The following SLC2A14 variants were observed in gnomAD, a reference collection of about 807,000 sequenced individuals.
SLC2A14 encodes the protein solute carrier family 2 member 14.
SLC2A14 carries 13 observed loss-of-function variants against 43.0 expected under a neutral mutation model. The ratio of observed to expected loss-of-function variants is 0.30; its 90% CI spans 0.20 to 0.48. The LOEUF (loss-of-function observed/expected upper bound fraction) is 0.48. Ranked by LOEUF, SLC2A14 falls within the 20% of genes least tolerant of loss-of-function variation. The pLI is 0.99. For synonymous variants in SLC2A14, 190 were observed against 233.8 expected (o/e 0.81, Z 1.71); for missense variants, 428 against 620.4 (o/e 0.69, Z 3.29).
At position 7,814,278 on chromosome 12, in the gene SLC2A14, C is replaced by G; in HGVS notation, c.*38G>C. ...CTCTCCCTTGTTGAGGGAGAGGTGG[C>G]TTTCCCATGCCGGGAGGGAGGTGGA... On this transcript the variant is annotated 3_prime_UTR_variant, in exon 11 of 11. Transcript: ENST00000431042. The G allele has an allele frequency of 2.0e-6, 3 of 1,507,784 alleles. 1 individual carries two copies. Among genetic ancestry groups the G allele is most frequent in the Non-Finnish European group, 9.1e-7 (1 of 1,100,364 alleles). The allele number at this position is 1,507,784 out of a possible 1,614,324, so 93.4% of individuals were successfully genotyped here. A position where few individuals can be genotyped will look rare whatever the true frequency, so the allele number is the denominator to read the frequency against.
At chr12:7,885,227 G>A (rs1000741864) in intron 1 of SLC2A14, among the ~76,000 whole-genome samples, 6 of 152,084 alleles carry the variant, frequency 3.9e-5, no homozygotes, top group African/African-American at 1.4e-4. Context: ...AGCATTTCGG[G>A]AGGCCGAGGC....
chr12:7,882,333 G>A (rs1327607769), intron 1 of SLC2A14, among the ~76,000 whole-genome samples: 1 of 151,826 alleles, frequency 6.6e-6, no homozygotes, highest in Non-Finnish European at 1.5e-5. Context: ...CCCACCAGAA[G>A]GAAAAAAGTC....
In SLC2A14 at chr12:7,831,565, T is replaced by G. The variant is rs767849129; in HGVS notation, c.272+39A>C. ...TCTCCACACTTGTCCCCAATGCATC[T>G]GGTAGAGCCCACTTCCTTGCCCAGT... On this transcript the variant is annotated intron_variant, in intron 4 of 10. Transcript: ENST00000431042. 24 of 1,611,536 alleles carry G rather than the reference T, an allele frequency of 1.5e-5. No homozygotes were observed. In the East Asian group the frequency reaches 5.1e-4, roughly 34 times the overall value.
chr12:7,845,550 C>A, intron 2 of SLC2A14, among the ~76,000 whole-genome samples: 1 of 151,188 alleles, frequency 6.6e-6, no homozygotes, highest in Non-Finnish European at 1.5e-5. Flanking sequence ...GAGGCCGAGG[C>A]GGGTGGATCA....
chr12:7,847,983 G>A (rs1049904785), intron 2 of SLC2A14, among the ~76,000 whole-genome samples: 5 of 151,936 alleles, frequency 3.3e-5, no homozygotes, highest in Non-Finnish European at 5.9e-5. Flanking sequence ...CAACAGACAC[G>A]AGCAAACCCA....
intron 2 of SLC2A14, 137 bp from the exon 3 acceptor site, chr12:7,832,951 T>A (rs112945263): frequency 1.4e-6 from 1 of 733,348 alleles, no homozygotes; most frequent in Non-Finnish European, 2.2e-6. Flanking sequence ...CAAACGAGAT[T>A]TAGGTAATTA....
intron 2 of SLC2A14, among the ~76,000 whole-genome samples, chr12:7,841,700 T>C (rs1355131095): frequency 6.6e-6 from 1 of 152,168 alleles, no homozygotes; most frequent in Admixed American, 6.6e-5. Flanking sequence ...GGAACAGCTT[T>C]ACTGCCCTAA....
Position 7,859,990 on chromosome 12 carries a change from A to AG in SLC2A14, c.18+9872_18+9873insC, listed in dbSNP as rs1173088984. Among the ~76,000 whole-genome samples, 418 of 152,242 alleles carry AG rather than the reference A, an allele frequency of 2.7e-3. 1 individual carries two copies. The highest frequency in any genetic ancestry group is 9.7e-3 in the African/African-American group (404 of 41,528). Reference sequence around the variant, plus strand: ...AGGCAGAGAGATGCTATTACCAACCAAAGAGCTGACACTGCTCCACCCACG... The same window carrying AG: ...AGGCAGAGAGATGCTATTACCAACCAGAAGAGCTGACACTGCTCCACCCACG... On this transcript the variant is annotated intron_variant, in intron 2 of 10. Coordinates refer to ENST00000431042, the MANE Select transcript of SLC2A14 (RefSeq NM_001286234.2).
intron 10 of SLC2A14, among the ~76,000 whole-genome samples, chr12:7,815,884 T>TTTTTTTTG (rs1483161642): frequency 2.0e-5 from 3 of 147,324 alleles, no homozygotes; most frequent in Admixed American, 1.3e-4. Flanking sequence ...CCAGTTTTGT[T>TTTTTTTTG]TTTTTTTGTT....
At chr12:7,867,386 G>A (rs61922959) in intron 2 of SLC2A14, among the ~76,000 whole-genome samples, 8,068 of 151,856 alleles carry the variant, frequency 0.053, 323 homozygotes, top group Admixed American at 0.1. Flanking sequence ...AACCATCATG[G>A]ATGACTTTGA....
Position 7,872,836 on chromosome 12 carries a change from C to G in SLC2A14, c.-87G>C, listed in dbSNP as rs1592320868. On this transcript the variant is annotated 5_prime_UTR_variant, in exon 1 of 11. Transcript: ENST00000431042. ...CAGACCCCGCGACTGCGGTTGGGCC[C>G]CGCGGCTTCGCTCAACCACGCACCT... 1 of 985,574 alleles carries G rather than the reference C, an allele frequency of 1.0e-6. No homozygotes were observed. Among genetic ancestry groups the G allele is most frequent in the Non-Finnish European group, 1.2e-6 (1 of 830,064 alleles). 61.1% of individuals were successfully genotyped at this position (985,574 alleles called of 1,614,324 possible).
At chr12:7,874,799 AATATATAAATACGTATT>A (rs1945397074), upstream of SLC2A14, among the ~76,000 whole-genome samples, 1 of 100,346 alleles carries the variant, frequency 1.0e-5, no homozygotes, top group African/African-American at 4.5e-5. Flanking sequence ...ATATATAAAT[AATATATAAATACGTATT>A]TATATATAAA....
chr12:7,868,195 C>T (rs1945030421), intron 2 of SLC2A14, among the ~76,000 whole-genome samples: 1 of 152,130 alleles, frequency 6.6e-6, no homozygotes, highest in African/African-American at 2.4e-5. Flanking sequence ...TGAGGCAAGA[C>T]CCTCCAGAGG....
Position 7,813,741 on chromosome 12 carries a change from T to TTA in SLC2A14, c.*573_*574dup, listed in dbSNP as rs1863202637. On this transcript the variant is annotated 3_prime_UTR_variant, in exon 11 of 11. Transcript: ENST00000431042. ...AAATCTTTTACTCTATAACCTCTCT[T>TTA]TAAACACCTCCCTCTAATCTCAATT... 6.3e-6 allele frequency: 1 copy of TTA among 158,796 alleles called. No individual in the cohort carries two copies. The highest frequency in any genetic ancestry group is 2.4e-5 in the African/African-American group (1 of 41,574). The allele number at this position is 158,796 out of a possible 1,614,324, so 9.8% of individuals were successfully genotyped here.
At chr12:7,846,706 A>T (rs985379529) in intron 2 of SLC2A14, among the ~76,000 whole-genome samples, 1 of 148,156 alleles carries the variant, frequency 6.7e-6, no homozygotes, top group Non-Finnish European at 1.5e-5. Flanking sequence ...ATCTTGGCTC[A>T]CTCCAACCTC....
intron 2 of SLC2A14, among the ~76,000 whole-genome samples, chr12:7,859,667 A>G (rs569407411): frequency 6.6e-6 from 1 of 152,238 alleles, no homozygotes; most frequent in South Asian, 2.1e-4. Flanking sequence ...TCAGGCTTCT[A>G]AATTTTCAGA....
chr12:7,836,132 G>T (rs1195519984), intron 2 of SLC2A14, among the ~76,000 whole-genome samples: 1 of 151,910 alleles, frequency 6.6e-6, no homozygotes, highest in Non-Finnish European at 1.5e-5. Flanking sequence ...TTTGAATCGT[G>T]TCAGAGTCCT....
chr12:7,856,646 T>C (rs1269210054), intron 2 of SLC2A14, among the ~76,000 whole-genome samples: 2 of 152,250 alleles, frequency 1.3e-5, no homozygotes, highest in Middle Eastern at 3.4e-3. Flanking sequence ...TCGATGGAGA[T>C]GATTAAACGG....
chr12:7,830,299 C>T (rs1864911703), intron 4 of SLC2A14, among the ~76,000 whole-genome samples: 1 of 152,020 alleles, frequency 6.6e-6, no homozygotes, highest in South Asian at 2.1e-4. Context: ...TAACAGGCGC[C>T]TGCCACCATG....
Sources: gnomAD v4.1 joint callset for allele counts (sites outside exome capture counted in the v4.1 genomes callset) on GRCh38, gnomAD v4.1.1 for gene constraint, MANE v1.5 for transcripts, NCBI Gene and HGNC (gene_info 2026-07-23, HGNC 2026-07-21) for gene names.